RYR3: variants seen among roughly 807,000 people sequenced by gnomAD.
RYR3 encodes the protein ryanodine receptor 3, also known as brain ryanodine receptor-calcium release channel.
RYR3 carries 207 observed loss-of-function variants against 584.3 expected under a neutral mutation model. The ratio of observed to expected loss-of-function variants is 0.35; its 90% CI spans 0.32 to 0.40. The LOEUF is 0.40. Among genes scored for constraint, RYR3 ranks in the 10% least tolerant of loss-of-function variants. RYR3 has a pLI of 1.00. For missense variants in RYR3, 5,616 were observed against 6,089.2 expected (o/e 0.92, Z 2.59); for synonymous variants, 2,416 against 2,248.5 (o/e 1.07, Z -2.11).
In RYR3 at chr15:33,562,975, G is replaced by A. The variant is rs771648147; in HGVS notation, c.1111G>A (p.Ala371Thr). The A allele has an allele frequency of 3.5e-5, 56 of 1,611,372 alleles. 1 individual carries two copies. The highest frequency in any genetic ancestry group is 4.2e-5 in the Non-Finnish European group (50 of 1,178,566). ...GLWVTYKAQD[A>T]KTSRLGPLKR... ...GTGGGTGACCTACAAAGCACAAGAC[G>A]CCAAAACTTCCCGCCTGGGACCTCT... The change falls in exon 11 of 104, where the codon GCC (alanine) becomes ACC (threonine). Residue 371 changes from alanine to threonine, a missense_variant. Physicochemically the swap from Ala to Thr is moderately conservative, Grantham distance 58 (BLOSUM62 0). Transcript: ENST00000634891.
At chr15:33,808,477 C>T (rs538646193) in intron 70 of RYR3, among the ~76,000 whole-genome samples, 2 of 152,246 alleles carry the variant, frequency 1.3e-5, no homozygotes, top group South Asian at 2.1e-4. Context: ...ATCAAATCCA[C>T]GTAATTACAC....
At chr15:33,681,656 A>G (rs1012143562) in intron 38 of RYR3, among the ~76,000 whole-genome samples, 3 of 152,342 alleles carry the variant, frequency 2.0e-5, no homozygotes, top group African/African-American at 4.8e-5. Flanking sequence ...TGACTTTTCA[A>G]TCACTTAGAA....
chr15:33,324,043 G>T (rs16969325), intron 1 of RYR3, among the ~76,000 whole-genome samples: 1 of 151,982 alleles, frequency 6.6e-6, no homozygotes, highest in East Asian at 1.9e-4. Flanking sequence ...TGGGCAGGAT[G>T]TGACCCTTTG....
At chr15:33,391,770 C>A (rs967053558) in intron 1 of RYR3, among the ~76,000 whole-genome samples, 9 of 152,006 alleles carry the variant, frequency 5.9e-5, no homozygotes, top group African/African-American at 2.2e-4. Context: ...CTTTAGGGTT[C>A]TTTGCCCAAT....
At chr15:33,385,366 T>C (rs1204182911) in intron 1 of RYR3, among the ~76,000 whole-genome samples, 2 of 152,216 alleles carry the variant, frequency 1.3e-5, no homozygotes, top group East Asian at 3.9e-4. Context: ...ATTTATCTTT[T>C]TTATCCCTGA....
In RYR3 at chr15:33,674,415, A is replaced by G. The variant is rs151079874; in HGVS notation, c.5860+3859A>G. On this transcript the variant is annotated intron_variant, in intron 38 of 103. Transcript: ENST00000634891. The stretch of plus-strand genomic sequence containing the variant: ...TTCTTTTTCCCTCTACCCCTTCCAT[A>G]TTGTGGAATTTCTAGTAGTGTATGT... 1.2e-4 allele frequency among the ~76,000 whole-genome samples: 19 copies of G among 152,166 alleles called. No homozygotes were observed. In the East Asian group the frequency reaches 2.9e-3, roughly 23 times the overall value.
intron 2 of RYR3, among the ~76,000 whole-genome samples, chr15:33,484,372 A>G (rs999834872): frequency 3.9e-5 from 6 of 152,194 alleles, no homozygotes; most frequent in Non-Finnish European, 8.8e-5. Flanking sequence ...TTTCTTTGGC[A>G]TATGCCAAAG....
At chr15:33,826,026 C>T (rs2077363544) in intron 82 of RYR3, among the ~76,000 whole-genome samples, 1 of 152,078 alleles carries the variant, frequency 6.6e-6, no homozygotes, top group Non-Finnish European at 1.5e-5. Flanking sequence ...TGAGCCACCG[C>T]ACCTGGCCAT....
At chr15:33,403,819 T>G (rs1485141489) in intron 1 of RYR3, among the ~76,000 whole-genome samples, 1 of 152,242 alleles carries the variant, frequency 6.6e-6, no homozygotes, top group Non-Finnish European at 1.5e-5. Flanking sequence ...GTTCCTCCAG[T>G]GCCTTTGAAA....
intron 2 of RYR3, among the ~76,000 whole-genome samples, chr15:33,497,582 T>C (rs1477207718): frequency 6.6e-6 from 1 of 152,204 alleles, no homozygotes; most frequent in Non-Finnish European, 1.5e-5. Context: ...TTATCTGTCT[T>C]TTTAAAATTG....
At chr15:33,728,713 T>G (rs28460434) in intron 46 of RYR3, 144 bp from the exon 47 acceptor site, 93,664 of 701,110 alleles carry the variant, frequency 0.13, 7,195 homozygotes, top group East Asian at 0.29. Context: ...TTCAGATTTT[T>G]GGATTTGAGA....
At chr15:33,596,977 A>C (rs2059409461) in intron 16 of RYR3, among the ~76,000 whole-genome samples, 1 of 152,182 alleles carries the variant, frequency 6.6e-6, no homozygotes, top group South Asian at 2.1e-4. Flanking sequence ...ATAGACAATA[A>C]CAGTTCTTTC....
chr15:33,511,387 T>C (rs1567409815), intron 3 of RYR3, among the ~76,000 whole-genome samples: 1 of 150,840 alleles, frequency 6.6e-6, no homozygotes, highest in Non-Finnish European at 1.5e-5. Flanking sequence ...CTCAAATAAG[T>C]TGAAAGCTTT....
chr15:33,529,678 A>G (rs2054688322), intron 3 of RYR3, among the ~76,000 whole-genome samples: 1 of 152,172 alleles, frequency 6.6e-6, no homozygotes, highest in Non-Finnish European at 1.5e-5. Flanking sequence ...TGTGATCAAA[A>G]ACTTGATTGC....
chr15:33,745,559 G>A (rs1267567933), intron 52 of RYR3, among the ~76,000 whole-genome samples: 1 of 152,158 alleles, frequency 6.6e-6, no homozygotes, highest in Non-Finnish European at 1.5e-5. Context: ...GTGTACCATA[G>A]AAGACATTCA....
At chr15:33,631,159 T>C in intron 22 of RYR3, 51 bp from the exon 23 acceptor site, 2 of 1,125,146 alleles carry the variant, frequency 1.8e-6, no homozygotes, top group African/African-American at 1.6e-5. Flanking sequence ...GGGTTCCTGC[T>C]GTTCCTAACA....
intron 14 of RYR3, among the ~76,000 whole-genome samples, chr15:33,584,075 A>AC (rs1258898935): frequency 1.3e-5 from 2 of 151,496 alleles, no homozygotes; most frequent in Non-Finnish European, 2.9e-5. Flanking sequence ...AAACAAACAA[A>AC]AAAAACTTAA....
chr15:33,673,621 A>G (rs990524885), intron 38 of RYR3, among the ~76,000 whole-genome samples: 1 of 152,210 alleles, frequency 6.6e-6, no homozygotes, highest in African/African-American at 2.4e-5. Flanking sequence ...TTTAAGCAGC[A>G]TTTCCTTCAA....
intron 50 of RYR3, among the ~76,000 whole-genome samples, chr15:33,739,382 G>T (rs2069835166): frequency 6.6e-6 from 1 of 152,124 alleles, no homozygotes; most frequent in Non-Finnish European, 1.5e-5. Context: ...GATGGATATT[G>T]AGCAGCCTGC....
Sources: allele counts gnomAD v4.1 joint callset (sites outside exome capture counted in the v4.1 genomes callset), GRCh38; gene constraint gnomAD v4.1.1; transcripts MANE v1.5; gene names NCBI Gene and HGNC (gene_info 2026-07-23, HGNC 2026-07-21).